PBX1: variants seen among roughly 807,000 people sequenced by gnomAD.
PBX1 encodes PBX homeobox 1.
PBX1 carries 6 observed loss-of-function variants against 53.4 expected under a neutral mutation model. The observed-to-expected ratio is 0.11, with a 90% confidence interval of 0.06 to 0.22. PBX1 has a LOEUF of 0.22. Ranked by LOEUF, PBX1 falls within the 10% of genes least tolerant of loss-of-function variation. The pLI, the probability that PBX1 is intolerant of heterozygous loss-of-function variation, is 1.00. For synonymous variants in PBX1, 204 were observed against 212.3 expected (o/e 0.96, Z 0.34); for missense variants, 251 against 551.4 (o/e 0.46, Z 5.46).
At chr1:164,802,799 A>C (rs1466674565) in intron 4 of PBX1, among the ~76,000 whole-genome samples, 1 of 152,054 alleles carries the variant, frequency 6.6e-6, no homozygotes, top group Non-Finnish European at 1.5e-5. Context: ...TTCAACATTT[A>C]TCATATCATG....
rs550570122 is a variant in PBX1, at chr1:164,640,800, C to G, written c.265+77489C>G. Among the ~76,000 whole-genome samples, 535 of 152,108 alleles carry G rather than the reference C, an allele frequency of 3.5e-3. 3 individuals are homozygous for G. The highest frequency in any genetic ancestry group is 0.012 in the African/African-American group (518 of 41,484). ...CTCCAACTCCTGAGCTCAGGCAATC[C>G]GCCTGTCTTGGCCTCCCAAAGTGCT... On this transcript the variant is annotated intron_variant, in intron 2 of 8. Coordinates refer to ENST00000420696, the MANE Select transcript of PBX1 (RefSeq NM_002585.4).
At chr1:164,740,280 C>A (rs902253974) in intron 2 of PBX1, among the ~76,000 whole-genome samples, 16 of 152,074 alleles carry the variant, frequency 1.1e-4, no homozygotes, top group African/African-American at 3.9e-4. Flanking sequence ...ACAAACCATA[C>A]TGAGCCATAT....
chr1:164,571,306 C>A (rs570004315), intron 2 of PBX1, among the ~76,000 whole-genome samples: 1 of 152,032 alleles, frequency 6.6e-6, no homozygotes, highest in Admixed American at 6.5e-5. Flanking sequence ...GCCTCCTTGC[C>A]CCCTAAAAAA....
intron 2 of PBX1, among the ~76,000 whole-genome samples, chr1:164,607,611 G>A (rs1243098335): frequency 6.6e-6 from 1 of 152,176 alleles, no homozygotes; most frequent in Non-Finnish European, 1.5e-5. Context: ...AGAGGTCAGG[G>A]CTAGAGACAT....
At chr1:164,844,378 C>T (rs1671459056) in intron 8 of PBX1, among the ~76,000 whole-genome samples, 1 of 152,058 alleles carries the variant, frequency 6.6e-6, no homozygotes, top group Non-Finnish European at 1.5e-5. Flanking sequence ...GCCTGCCTGT[C>T]TGTCTACCTA....
intron 2 of PBX1, among the ~76,000 whole-genome samples, chr1:164,608,847 GAAGAA>G (rs1656722605): frequency 6.6e-6 from 1 of 152,148 alleles, no homozygotes; most frequent in Non-Finnish European, 1.5e-5. Context: ...AGGAGGAAGA[GAAGAA>G]ATGATTGGCT....
intron 2 of PBX1, among the ~76,000 whole-genome samples, chr1:164,697,008 A>C (rs1023889414): frequency 6.6e-6 from 1 of 152,176 alleles, no homozygotes; most frequent in Non-Finnish European, 1.5e-5. Flanking sequence ...CCTAATTTTC[A>C]TATGTCCGTC....
At chr1:164,884,793 C>A (rs1672739575) in intron 2 of PBX1, among the ~76,000 whole-genome samples, 1 of 152,216 alleles carries the variant, frequency 6.6e-6, no homozygotes. Flanking sequence ...GCAATAATCT[C>A]TCTTTCTCTT....
rs1215844246 is a variant in PBX1 at position 164,571,871 on chromosome 1, T to TTGTA, written c.265+8562_265+8565dup. Among the ~76,000 whole-genome samples the TTGTA allele has an allele frequency of 2.3e-4, 14 of 59,962 alleles. 1 individual carries two copies. The highest frequency in any genetic ancestry group is 8.2e-4 in the African/African-American group (13 of 15,796). The allele number at this position is 59,962 out of a possible 152,430, so 39.3% of individuals were successfully genotyped here. On this transcript the variant is annotated intron_variant, in intron 2 of 8. Coordinates refer to ENST00000420696, the MANE Select transcript of PBX1 (RefSeq NM_002585.4). ...TATTTGATATACAAAAATCTGTACA[T>TTGTA]TGTATATATATATATATATATATAT... is the stretch of plus-strand genomic sequence containing the variant.
chr1:164,738,746 A>C (rs1403654421), intron 2 of PBX1, among the ~76,000 whole-genome samples: 1 of 152,212 alleles, frequency 6.6e-6, no homozygotes, highest in East Asian at 1.9e-4. Flanking sequence ...CCTGTGCACT[A>C]TAAAGCTGTC....
At chr1:164,679,886 G>C (rs760056787) in intron 2 of PBX1, among the ~76,000 whole-genome samples, 21 of 151,494 alleles carry the variant, frequency 1.4e-4, no homozygotes, top group South Asian at 4.2e-4. Flanking sequence ...TCAGAAAAAT[G>C]AAGCTCACAA....
At chr1:164,771,294 G>C (rs1010624293) in intron 2 of PBX1, 1 of 152,054 alleles carries the variant, frequency 6.6e-6, no homozygotes, top group Non-Finnish European at 1.5e-5. Flanking sequence ...GACGGGGGTG[G>C]TGTTCAGCCT....
chr1:164,656,342 C>T (rs1211903779), intron 2 of PBX1, among the ~76,000 whole-genome samples: 6 of 152,124 alleles, frequency 3.9e-5, no homozygotes, highest in Admixed American at 3.9e-4. Context: ...TTCAAGTAAA[C>T]AATAATTCAG....
chr1:164,850,603 G>A lies in PBX1; in HGVS notation c.*3927G>A, dbSNP rs867822394. The A allele has an allele frequency of 6.2e-5, 12 of 192,666 alleles. No individual in the cohort carries two copies. Among genetic ancestry groups the A allele is most frequent in the Middle Eastern group, 1.8e-3 (1 of 546 alleles). 11.9% of individuals were successfully genotyped at this position (192,666 alleles called of 1,614,324 possible). On this transcript the variant is annotated 3_prime_UTR_variant, in exon 9 of 9. Coordinates refer to ENST00000420696, the MANE Select transcript of PBX1 (RefSeq NM_002585.4). ...ATGTGAAAAGATGACTTGGGCAGAG[G>A]AGTAAGAACAAGTAGGCTTGTTCTT...
At chr1:164,627,205 T>C (rs755541969) in intron 2 of PBX1, among the ~76,000 whole-genome samples, 3 of 152,146 alleles carry the variant, frequency 2.0e-5, no homozygotes, top group Non-Finnish European at 1.5e-5. Flanking sequence ...GCCCCCTTTT[T>C]TCCTTAAGGA....
chr1:164,846,007 C>T (rs1197410394), intron 8 of PBX1, among the ~76,000 whole-genome samples: 1 of 152,026 alleles, frequency 6.6e-6, no homozygotes, highest in Non-Finnish European at 1.5e-5. Context: ...TTTATAAGTT[C>T]ATTCGTGGGC....
chr1:164,577,580 A>T (rs371173814), intron 2 of PBX1, among the ~76,000 whole-genome samples: 1 of 152,124 alleles, frequency 6.6e-6, no homozygotes, highest in East Asian at 1.9e-4. Context: ...ACTAGGAAAG[A>T]TGTTCTTGAT....
At chr1:164,560,278 A>G in intron 1 of PBX1, 1 of 402,586 alleles carries the variant, frequency 2.5e-6, no homozygotes, top group Non-Finnish European at 4.4e-6. Flanking sequence ...ATATCCACAC[A>G]AACACACAGG....
At chr1:164,885,471 G>A (rs1360111083) in intron 2 of PBX1, among the ~76,000 whole-genome samples, 1 of 152,180 alleles carries the variant, frequency 6.6e-6, no homozygotes, top group Admixed American at 6.5e-5. Context: ...ATCCCAGCAA[G>A]TTGCTTCATG....
Sources: gnomAD v4.1 joint callset for allele counts (sites outside exome capture counted in the v4.1 genomes callset) on GRCh38, gnomAD v4.1.1 for gene constraint, MANE v1.5 for transcripts, NCBI Gene and HGNC (gene_info 2026-07-23, HGNC 2026-07-21) for gene names.